The following FBXO22 variants were observed in gnomAD, a reference collection of about 807,000 sequenced individuals.
FBXO22 encodes F-box protein 22.
Under a neutral mutation model 37.2 loss-of-function variants are expected in FBXO22, and 13 were observed. The ratio of observed to expected loss-of-function variants is 0.35; its 90% CI spans 0.23 to 0.56. The LOEUF (loss-of-function observed/expected upper bound fraction) is 0.56. Among genes scored for constraint, FBXO22 ranks in the 20% least tolerant of loss-of-function variants. FBXO22 has a pLI of 0.87. For missense variants in FBXO22, 446 were observed against 509.9 expected, an observed-to-expected ratio of 0.87 and a Z score of 1.21; for synonymous variants, 189 against 189.1, an observed-to-expected ratio of 1.00 and a Z score of 0.00.
Position 75,935,251 on chromosome 15 carries a change from G to A in FBXO22, c.*2149G>A, listed in dbSNP as rs1425636861. On this transcript the variant is annotated 3_prime_UTR_variant, in exon 7 of 7. Transcript: ENST00000308275. ...GGCTTGTCTTAGAAGCATTAAAGGA[G>A]TATTAGCTAAAAACAAACTAAATTC... 1.8e-4 allele frequency: 27 copies of A among 152,074 alleles called. No homozygotes were observed. The highest frequency in any genetic ancestry group is 1.6e-3 in the Admixed American group (24 of 15,276). 9.4% of individuals were successfully genotyped at this position (152,074 alleles called of 1,614,324 possible).
At chr15:75,932,639 A>C (rs778050786) in intron 6 of FBXO22, 46 bp from the exon 7 acceptor site, 2 of 1,519,494 alleles carry the variant, frequency 1.3e-6, no homozygotes, top group African/African-American at 1.4e-5. Flanking sequence ...TATACTTAAA[A>C]ATTTTAATGT....
intron 5 of FBXO22, among the ~76,000 whole-genome samples, chr15:75,919,640 G>A (rs947323028): frequency 1.3e-5 from 2 of 152,150 alleles, no homozygotes; most frequent in Admixed American, 1.3e-4. Context: ...TTCATAAAAC[G>A]CTTAGCAACA....
chr15:75,909,645 T>G (rs528015239), intron 2 of FBXO22, among the ~76,000 whole-genome samples: 1 of 152,118 alleles, frequency 6.6e-6, no homozygotes, highest in Admixed American at 6.5e-5. Flanking sequence ...ATGAAGAAAT[T>G]ATAGGTGTTT....
rs758594294 is a variant in FBXO22, at chr15:75,929,992, T to G, written c.737T>G (p.Met246Arg). 7 of 1,614,134 alleles carry G rather than the reference T, an allele frequency of 4.3e-6. No individual in the cohort carries two copies. The highest frequency in any genetic ancestry group is 5.9e-6 in the Non-Finnish European group (7 of 1,179,984). ...LQQVVSTFSD[M>R]NIILAGGQVD... ...CAAGTAGTCAGCACTTTCAGTGATA[T>G]GAATATCATCTTGGCTGGAGGCCAG... The change falls in exon 6 of 7, where the codon ATG (methionine) becomes AGG (arginine). Residue 246 changes from methionine (M) to arginine (R), a missense_variant. By Grantham distance (91) the Met-to-Arg change is moderately conservative (BLOSUM62 -1). Coordinates refer to ENST00000308275, the MANE Select transcript of FBXO22 (RefSeq NM_147188.3).
intron 5 of FBXO22, among the ~76,000 whole-genome samples, chr15:75,926,303 C>T (rs1483803981): frequency 6.6e-6 from 1 of 152,130 alleles, no homozygotes; most frequent in Non-Finnish European, 1.5e-5. Flanking sequence ...ATTCTTCCCT[C>T]ATATTTTAGG....
chr15:75,903,899 CCTATG>C lies in FBXO22; in HGVS notation c.-62_-58del. On this transcript the variant is annotated 5_prime_UTR_variant, in exon 1 of 7. An upstream start codon of the reference 5' UTR is lost. Coordinates refer to ENST00000308275, the MANE Select transcript of FBXO22 (RefSeq NM_147188.3). ...GCTCAGTGCGCGCCGGCCGGGCAAC[CCTATG>C]CTGGCGTAATCGGGTTCCTCCGAGC... 7.0e-7 allele frequency: 1 copy of C among 1,428,952 alleles called. No homozygotes were observed. The highest frequency in any genetic ancestry group is 9.2e-7 in the Non-Finnish European group (1 of 1,088,524). 88.5% of individuals were successfully genotyped at this position (1,428,952 alleles called of 1,614,324 possible). A position where few individuals can be genotyped will look rare whatever the true frequency, so the allele number is the denominator to read the frequency against.
At chr15:75,917,184 A>G in intron 4 of FBXO22, 46 bp from the exon 5 acceptor site, 1 of 1,418,924 alleles carries the variant, frequency 7.0e-7, no homozygotes, top group South Asian at 1.2e-5. Context: ...GTAGTTATCT[A>G]GTTTTTACTG....
chr15:75,939,731 A>T lies in FBXO22; in HGVS notation c.*6629A>T, dbSNP rs144709000. 2.0e-5 allele frequency: 3 copies of T among 152,334 alleles called. No individual in the cohort carries two copies. In the East Asian group the frequency reaches 5.8e-4, roughly 29 times the overall value. The allele number at this position is 152,334 out of a possible 1,614,324, so 9.4% of individuals were successfully genotyped here. On this transcript the variant is annotated 3_prime_UTR_variant, in exon 7 of 7. Transcript: ENST00000308275. Reference sequence around the variant, plus strand: ...TCCTGGAATGCAAGGATTGTTCAACATACAAAAATCAATATAATATACTAC... The same window carrying T: ...TCCTGGAATGCAAGGATTGTTCAACTTACAAAAATCAATATAATATACTAC...
At chr15:75,905,136 A>C (rs973236009) in intron 2 of FBXO22, among the ~76,000 whole-genome samples, 5 of 152,118 alleles carry the variant, frequency 3.3e-5, no homozygotes, top group African/African-American at 1.2e-4. Flanking sequence ...TGGGCCTTTT[A>C]AGTATCCACA....
intron 5 of FBXO22, among the ~76,000 whole-genome samples, chr15:75,924,003 T>C (rs1488886667): frequency 2.6e-5 from 4 of 152,174 alleles, no homozygotes; most frequent in Admixed American, 2.6e-4. Flanking sequence ...TATAGTACCA[T>C]TGACTAAGGT....
intron 5 of FBXO22, among the ~76,000 whole-genome samples, chr15:75,922,434 A>G (rs1900348231): frequency 6.6e-6 from 1 of 152,240 alleles, no homozygotes. Context: ...TTCCAGAAGC[A>G]GGTGGTATTT....
intron 5 of FBXO22, among the ~76,000 whole-genome samples, chr15:75,920,373 G>T (rs983868985): frequency 1.3e-5 from 2 of 152,206 alleles, no homozygotes; most frequent in African/African-American, 2.4e-5. Context: ...GTCATTGAAG[G>T]CCTTGGAGTA....
Position 75,937,041 on chromosome 15 carries a change from T to C in FBXO22, c.*3939T>C, listed in dbSNP as rs755139597. 2.0e-5 allele frequency: 3 copies of C among 152,116 alleles called. No individual in the cohort carries two copies. Among genetic ancestry groups the C allele is most frequent in the Non-Finnish European group, 4.4e-5 (3 of 68,028 alleles). The allele number at this position is 152,116 out of a possible 1,614,324, so 9.4% of individuals were successfully genotyped here. On this transcript the variant is annotated 3_prime_UTR_variant, in exon 7 of 7. Transcript: ENST00000308275. Reference sequence around the variant, plus strand: ...CAGATTGAGGAGAATTTTGAGACCATTGACATTTTTCTAATTATGACTAAA... The same window carrying C: ...CAGATTGAGGAGAATTTTGAGACCACTGACATTTTTCTAATTATGACTAAA...
At chr15:75,913,334 G>A in intron 3 of FBXO22, 44 bp downstream of exon 3, 3 of 1,350,568 alleles carry the variant, frequency 2.2e-6, no homozygotes, top group South Asian at 2.4e-5. Flanking sequence ...TTTTTATCAT[G>A]TGCCTTCCGT....
Position 75,919,140 on chromosome 15 carries a change from T to C in FBXO22, c.628+1746T>C, listed in dbSNP as rs1267295225. ...TGCACCACCATGCCTGGCTAATTTT[T>C]TTTGTCTTTTTATTAGAGATAGGGT... is the stretch of plus-strand genomic sequence containing the variant. On this transcript the variant is annotated intron_variant, in intron 5 of 6. Coordinates refer to ENST00000308275, the MANE Select transcript of FBXO22 (RefSeq NM_147188.3). Among the ~76,000 whole-genome samples the C allele has an allele frequency of 2.0e-5, 3 of 152,028 alleles. No homozygotes were observed. The East Asian group carries it at 5.8e-4, about 29-fold the overall frequency.
chr15:75,917,800 G>A (rs1161588171), intron 5 of FBXO22, among the ~76,000 whole-genome samples: 10 of 152,034 alleles, frequency 6.6e-5, no homozygotes, highest in Admixed American at 6.6e-4. Context: ...TAGAATACGC[G>A]GGTTAGTTCT....
chr15:75,904,281 G>T (rs1203712222), intron 1 of FBXO22, 178 bp downstream of exon 1: 6 of 1,115,608 alleles, frequency 5.4e-6, no homozygotes, highest in African/African-American at 4.7e-5. Context: ...GCCCCGGGGG[G>T]ACTTCCCTGA....
intron 2 of FBXO22, chr15:75,910,327 C>G (rs1900026658): frequency 1.3e-5 from 2 of 152,200 alleles, no homozygotes; most frequent in African/African-American, 4.8e-5. Context: ...TTTCTAGATC[C>G]TTGAGGAATC....
chr15:75,922,160 G>A (rs909952007), intron 5 of FBXO22, among the ~76,000 whole-genome samples: 1 of 152,206 alleles, frequency 6.6e-6, no homozygotes, highest in Non-Finnish European at 1.5e-5. Context: ...CAATAGGCTT[G>A]TTTACAACAG....
Sources: gnomAD v4.1 joint callset for allele counts (sites outside exome capture counted in the v4.1 genomes callset) on GRCh38, gnomAD v4.1.1 for gene constraint, MANE v1.5 for transcripts, NCBI Gene and HGNC (gene_info 2026-07-23, HGNC 2026-07-21) for gene names.